Variants in NSF observed in about 807,000 individuals in gnomAD.
NSF encodes the protein vesicle-fusing ATPase.
NSF carries 14 observed loss-of-function variants against 50.3 expected under a neutral mutation model. The observed-to-expected ratio is 0.28, with a 90% CI of 0.18 to 0.44. The LOEUF (loss-of-function observed/expected upper bound fraction) is 0.44, where lower values mean the gene tolerates loss of function less well. NSF is among the 20% of genes least tolerant of loss of function. NSF has a pLI of 1.00. For synonymous variants in NSF, 109 were observed against 175.7 expected, an observed-to-expected ratio of 0.62 and a Z score of 3.00; for missense variants, 218 against 504.3, an observed-to-expected ratio of 0.43 and a Z score of 5.44.
intron 17 of NSF, among the ~76,000 whole-genome samples, chr17:46,737,269 T>G (rs139666641): frequency 6.6e-6 from 1 of 152,124 alleles, no homozygotes; most frequent in African/African-American, 2.4e-5. Context: ...CACCAAGGAG[T>G]CCACCCTGGT....
chr17:46,717,124 T>G (rs1046431189), intron 15 of NSF, among the ~76,000 whole-genome samples: 3 of 152,088 alleles, frequency 2.0e-5, no homozygotes, highest in Non-Finnish European at 4.4e-5. Context: ...ATAAAGAAAA[T>G]GTGACACATA....
intron 15 of NSF, chr17:46,722,258 A>AT (rs2058839275): frequency 9.4e-7 from 1 of 1,059,420 alleles, no homozygotes; most frequent in African/African-American, 1.6e-5. Context: ...CTTAAGATTA[A>AT]TTTTGGGGGG....
intron 1 of NSF, among the ~76,000 whole-genome samples, chr17:46,598,898 C>A (rs2057889021): frequency 6.9e-6 from 1 of 144,376 alleles, no homozygotes; most frequent in African/African-American, 2.6e-5. Context: ...CAAAGTATAT[C>A]AACTTTCTGC....
At chr17:46,751,011 AT>A (rs755184866) in intron 18 of NSF, among the ~76,000 whole-genome samples, 1 of 152,180 alleles carries the variant, frequency 6.6e-6, no homozygotes, top group Non-Finnish European at 1.5e-5. Context: ...ATTGGAAAAT[AT>A]TATCTACTGA....
chr17:46,713,552 G>A (rs1011726659), intron 14 of NSF, among the ~76,000 whole-genome samples: 3 of 152,076 alleles, frequency 2.0e-5, no homozygotes, highest in African/African-American at 2.4e-5. Context: ...ATTTGAATGC[G>A]TTCTTTTAAG....
At chr17:46,679,604 A>C (rs1435315078) in intron 9 of NSF, among the ~76,000 whole-genome samples, 2 of 136,474 alleles carry the variant, frequency 1.5e-5, no homozygotes, top group Non-Finnish European at 3.1e-5. Context: ...AGGCAGGAGA[A>C]TTGCTTGAAC....
At chr17:46,678,455 G>A (rs1202749129) in intron 9 of NSF, among the ~76,000 whole-genome samples, 2 of 149,074 alleles carry the variant, frequency 1.3e-5, no homozygotes, top group Non-Finnish European at 3.0e-5. Context: ...AAAATAACCA[G>A]AGACAAAGAA....
chr17:46,685,310 C>G (rs906690656), intron 9 of NSF, among the ~76,000 whole-genome samples: 19 of 148,942 alleles, frequency 1.3e-4, no homozygotes, highest in African/African-American at 3.4e-4. Context: ...CAAAGAATTT[C>G]CAGTTCGATA....
chr17:46,597,777 G>T, intron 1 of NSF, among the ~76,000 whole-genome samples: 1 of 118,116 alleles, frequency 8.5e-6, no homozygotes, highest in Admixed American at 8.5e-5. Flanking sequence ...TTTTGTTGTT[G>T]TTGCAATACT....
At chr17:46,735,599 T>G (rs755968919) in intron 17 of NSF, among the ~76,000 whole-genome samples, 2 of 152,198 alleles carry the variant, frequency 1.3e-5, no homozygotes, top group Non-Finnish European at 2.9e-5. Context: ...TTACCTACTC[T>G]GTTGAGGGTC....
intron 13 of NSF, among the ~76,000 whole-genome samples, chr17:46,708,974 G>A (rs190917805): frequency 1.6e-4 from 24 of 151,096 alleles, no homozygotes; most frequent in Non-Finnish European, 3.0e-4. Flanking sequence ...GCAGGCTTGC[G>A]CCACCATGCC....
At chr17:46,741,267 A>G (rs1338552581) in intron 17 of NSF, among the ~76,000 whole-genome samples, 1 of 152,202 alleles carries the variant, frequency 6.6e-6, no homozygotes, top group Admixed American at 6.5e-5. Flanking sequence ...GCTGCTCCCA[A>G]TGTAAAATCT....
chr17:46,722,517 C>T (rs1487593887), intron 15 of NSF, among the ~76,000 whole-genome samples: 6 of 152,184 alleles, frequency 3.9e-5, no homozygotes, highest in African/African-American at 1.4e-4. Context: ...TGTGGTGCAG[C>T]TTCCCGGCTT....
intron 9 of NSF, among the ~76,000 whole-genome samples, chr17:46,691,787 C>G (rs2058549168): frequency 6.6e-6 from 1 of 151,516 alleles, no homozygotes. Context: ...GAGTCTCACT[C>G]TGTCGCCCAG....
chr17:46,744,193 T>C (rs188240173), intron 17 of NSF, among the ~76,000 whole-genome samples: 5 of 152,352 alleles, frequency 3.3e-5, no homozygotes, highest in Admixed American at 3.3e-4. Context: ...TGTAACTTAT[T>C]TGAAGGCACA....
intron 15 of NSF, among the ~76,000 whole-genome samples, chr17:46,722,391 G>A (rs1470090842): frequency 6.6e-6 from 1 of 152,136 alleles, no homozygotes; most frequent in South Asian, 2.1e-4. Flanking sequence ...TATAACTCAC[G>A]GTGAGTTTGG....
intron 17 of NSF, among the ~76,000 whole-genome samples, chr17:46,734,892 C>T (rs2146307864): frequency 6.6e-6 from 1 of 151,734 alleles, no homozygotes; most frequent in African/African-American, 2.4e-5. Context: ...CCAGTCTTTA[C>T]AAAAAAAAGT....
intron 19 of NSF, 124 bp from the exon 20 acceptor site, chr17:46,755,190 A>T: frequency 1.4e-6 from 1 of 700,052 alleles, no homozygotes; most frequent in Admixed American, 2.2e-5. Flanking sequence ...GGAGCAGGTA[A>T]CACATTCAGT....
chr17:46,741,910 C>CAT (rs751652686), intron 17 of NSF, among the ~76,000 whole-genome samples: 6 of 152,208 alleles, frequency 3.9e-5, no homozygotes, highest in Non-Finnish European at 7.3e-5. Context: ...GGATTACAGG[C>CAT]ATGTGCCACC....
Sources: allele counts gnomAD v4.1 joint callset (sites outside exome capture counted in the v4.1 genomes callset), GRCh38; gene constraint gnomAD v4.1.1; transcripts MANE v1.5; gene names NCBI Gene and HGNC (gene_info 2026-07-23, HGNC 2026-07-21).